ATXN1: variants seen among roughly 807,000 people sequenced by gnomAD.
The protein encoded by ATXN1 is ataxin 1.
A neutral mutation model predicts 56.4 loss-of-function variants in ATXN1; 8 were observed. The observed-to-expected ratio is 0.14, with a 90% CI of 0.08 to 0.26. The LOEUF (loss-of-function observed/expected upper bound fraction) is 0.26. Ranked by LOEUF, ATXN1 falls within the 10% of genes least tolerant of loss-of-function variation. The pLI, the probability that ATXN1 is intolerant of heterozygous loss-of-function variation, is 1.00. For missense variants in ATXN1, 987 were observed against 1,106.5 expected, an observed-to-expected ratio of 0.89 and a Z score of 1.53; for synonymous variants, 514 against 494.6, an observed-to-expected ratio of 1.04 and a Z score of -0.52.
chr6:16,560,829 T>TC (rs1209433615), intron 4 of ATXN1, among the ~76,000 whole-genome samples: 2 of 152,220 alleles, frequency 1.3e-5, no homozygotes, highest in African/African-American at 4.8e-5. Flanking sequence ...CAGTCAATTT[T>TC]CCACTGTCCA....
At chr6:16,588,073 C>T (rs955226525) in intron 3 of ATXN1, among the ~76,000 whole-genome samples, 5 of 151,820 alleles carry the variant, frequency 3.3e-5, no homozygotes, top group Admixed American at 2.0e-4. Flanking sequence ...GCCTCACCTA[C>T]GTTTCCTAGC....
intron 2 of ATXN1, among the ~76,000 whole-genome samples, chr6:16,750,625 G>A (rs10456788): frequency 1.9e-3 from 288 of 152,142 alleles, no homozygotes; most frequent in African/African-American, 6.4e-3. Flanking sequence ...GCGCTACTTC[G>A]TCAGTATTTT....
At chr6:16,605,041 A>G (rs948218076) in intron 3 of ATXN1, among the ~76,000 whole-genome samples, 1 of 152,234 alleles carries the variant, frequency 6.6e-6, no homozygotes, top group Non-Finnish European at 1.5e-5. Context: ...GACATTAGAA[A>G]ACAAATCAAG....
intron 2 of ATXN1, among the ~76,000 whole-genome samples, chr6:16,748,737 C>G (rs1055579205): frequency 5.9e-5 from 9 of 152,274 alleles, no homozygotes; most frequent in South Asian, 4.1e-4. Flanking sequence ...TGCTCCATCC[C>G]TCTTGTTCCT....
At chr6:16,654,541 TAAAAAAAAAAAAA>T (rs1212773515) in intron 3 of ATXN1, among the ~76,000 whole-genome samples, 1 of 122,536 alleles carries the variant, frequency 8.2e-6, no homozygotes, top group Non-Finnish European at 1.7e-5. Flanking sequence ...GACTCTGCCT[TAAAAAAAAAAAAA>T]AAAAAAAAAA....
At chr6:16,566,733 G>A (rs1019117092) in intron 4 of ATXN1, among the ~76,000 whole-genome samples, 5 of 152,020 alleles carry the variant, frequency 3.3e-5, no homozygotes, top group African/African-American at 1.2e-4. Flanking sequence ...GTGGGTTCCT[G>A]TAATCTCAGC....
At chr6:16,692,860 A>G (rs1759079147) in intron 2 of ATXN1, among the ~76,000 whole-genome samples, 1 of 152,234 alleles carries the variant, frequency 6.6e-6, no homozygotes, top group Non-Finnish European at 1.5e-5. Context: ...AACCTTAGTC[A>G]GAACGAGCCC....
Position 16,326,247 on chromosome 6 carries a change from G to T in ATXN1, c.1917+147C>A. The T allele has an allele frequency of 7.1e-7, 1 of 1,411,286 alleles. No individual in the cohort carries two copies. The highest frequency in any genetic ancestry group is 9.3e-7 in the Non-Finnish European group (1 of 1,076,742). The allele number at this position is 1,411,286 out of a possible 1,614,324, so 87.4% of individuals were successfully genotyped here. A position where few individuals can be genotyped will look rare whatever the true frequency, so the allele number is the denominator to read the frequency against. ...GGAAATGGGGCTTATTTTTTCTAGA[G>T]AACGCAGTTGGGAAAGGCCGAGTCT... On this transcript the variant is annotated intron_variant, in intron 7 of 7. Coordinates refer to ENST00000436367, the MANE Select transcript of ATXN1 (RefSeq NM_001128164.2). This position sits in a 1 kb window ranked among gnomAD's most constrained non-coding sequence, Gnocchi z 6.6.
intron 2 of ATXN1, among the ~76,000 whole-genome samples, chr6:16,676,503 T>C (rs779684023): frequency 1.3e-5 from 2 of 152,342 alleles, no homozygotes; most frequent in African/African-American, 2.4e-5. Flanking sequence ...TCTTCATTAC[T>C]GAGTGCCTAC....
At chr6:16,511,721 A>G (rs1761084714) in intron 5 of ATXN1, among the ~76,000 whole-genome samples, 1 of 152,200 alleles carries the variant, frequency 6.6e-6, no homozygotes, top group Non-Finnish European at 1.5e-5. Flanking sequence ...AAACTTCTCC[A>G]GCCTGCTTGC....
At chr6:16,733,016 T>G (rs1760025929) in intron 2 of ATXN1, among the ~76,000 whole-genome samples, 1 of 152,224 alleles carries the variant, frequency 6.6e-6, no homozygotes, top group Non-Finnish European at 1.5e-5. Context: ...TTAAATGTAG[T>G]GAATTATTCA....
intron 5 of ATXN1, among the ~76,000 whole-genome samples, chr6:16,494,418 T>G (rs745795953): frequency 7.2e-5 from 11 of 152,184 alleles, no homozygotes; most frequent in South Asian, 4.1e-4. Context: ...AAATCCAAAA[T>G]TAGTACCGGC....
chr6:16,533,132 G>C (rs1485425317), intron 4 of ATXN1, among the ~76,000 whole-genome samples: 1 of 152,164 alleles, frequency 6.6e-6, no homozygotes, highest in African/African-American at 2.4e-5. Flanking sequence ...GATGGATCGT[G>C]GTGATGACTG....
chr6:16,698,747 C>T (rs1352009540), intron 2 of ATXN1, among the ~76,000 whole-genome samples: 2 of 151,844 alleles, frequency 1.3e-5, no homozygotes, highest in Non-Finnish European at 2.9e-5. Flanking sequence ...TGGTTTTCAG[C>T]CTCAGCCATC....
chr6:16,558,618 G>A lies in ATXN1; in HGVS notation c.-361+27162C>T, dbSNP rs570678488. 1.0e-3 allele frequency among the ~76,000 whole-genome samples: 156 copies of A among 152,160 alleles called. 1 individual carries two copies. Among genetic ancestry groups the A allele is most frequent in the African/African-American group, 3.6e-3 (150 of 41,542 alleles). ...ACTCCTGGCCTCAAGTGATGCTCTC[G>A]CCTTGGCCTCCCAAAGTGCTGGGAT... On this transcript the variant is annotated intron_variant, in intron 4 of 7. Transcript: ENST00000436367.
At chr6:16,735,001 GT>G (rs1760079995) in intron 2 of ATXN1, among the ~76,000 whole-genome samples, 1 of 152,010 alleles carries the variant, frequency 6.6e-6, no homozygotes, top group African/African-American at 2.4e-5. Context: ...CTATTTTACT[GT>G]ATTTTATTTT....
intron 2 of ATXN1, chr6:16,737,676 C>T (rs1760184342): frequency 6.6e-6 from 1 of 152,106 alleles, no homozygotes; most frequent in South Asian, 2.1e-4. Flanking sequence ...AAACTCCAGC[C>T]ATAATATTCA....
At chr6:16,602,963 T>C (rs549812966) in intron 3 of ATXN1, among the ~76,000 whole-genome samples, 126 of 152,328 alleles carry the variant, frequency 8.3e-4, no homozygotes, top group African/African-American at 3.0e-3. Context: ...TGTAATGTAA[T>C]ATAATAATTA....
intron 2 of ATXN1, among the ~76,000 whole-genome samples, chr6:16,685,295 C>T (rs1346786319): frequency 6.6e-6 from 1 of 152,120 alleles, no homozygotes; most frequent in African/African-American, 2.4e-5. Context: ...GGCTTTTGCC[C>T]AATGACACTG....
Sources: allele counts gnomAD v4.1 joint callset (sites outside exome capture counted in the v4.1 genomes callset), GRCh38; gene constraint gnomAD v4.1.1; non-coding constraint Gnocchi (gnomAD v3.1); transcripts MANE v1.5; gene names NCBI Gene and HGNC (gene_info 2026-07-23, HGNC 2026-07-21).